The following PTPN9 variants were observed in gnomAD, a reference collection of about 807,000 sequenced individuals.
The protein encoded by PTPN9 is tyrosine-protein phosphatase non-receptor type 9.
A neutral mutation model predicts 69.8 loss-of-function variants in PTPN9; 26 were observed. That is an observed-to-expected ratio of 0.37 (90% CI 0.27 to 0.52). The LOEUF (loss-of-function observed/expected upper bound fraction) is 0.52, where lower values mean the gene tolerates loss of function less well. Ranked by LOEUF, PTPN9 falls within the 20% of genes least tolerant of loss-of-function variation. The pLI, the probability that PTPN9 is intolerant of heterozygous loss-of-function variation, is 0.91. For synonymous variants in PTPN9, 274 were observed against 272.5 expected, an observed-to-expected ratio of 1.01 and a Z score of -0.05; for missense variants, 549 against 740.3, an observed-to-expected ratio of 0.74 and a Z score of 3.00.
intron 1 of PTPN9, among the ~76,000 whole-genome samples, chr15:75,530,461 ATATAT>A (rs1253386060): frequency 2.0e-5 from 2 of 100,678 alleles, no homozygotes; most frequent in Admixed American, 1.7e-4. Flanking sequence ...ATAATAAAAT[ATATAT>A]TATAATAATA....
intron 7 of PTPN9, among the ~76,000 whole-genome samples, chr15:75,500,748 T>C (rs1261273239): frequency 6.6e-6 from 1 of 151,386 alleles, no homozygotes; most frequent in East Asian, 1.9e-4. Flanking sequence ...TAGCCAGGCA[T>C]GGTGGTGCAT....
intron 8 of PTPN9, 42 bp from the exon 9 acceptor site, chr15:75,479,956 C>T (rs772816618): frequency 1.2e-5 from 17 of 1,378,968 alleles, no homozygotes; most frequent in Admixed American, 4.0e-5. Context: ...ACACAGAATA[C>T]ACCATTTGGG....
At chr15:75,504,474 G>GT (rs2074802708) in intron 7 of PTPN9, among the ~76,000 whole-genome samples, 1 of 136,790 alleles carries the variant, frequency 7.3e-6, no homozygotes, top group Admixed American at 7.0e-5. Flanking sequence ...GGTCCGGGAG[G>GT]GAGGTGGAGG....
chr15:75,503,114 G>T (rs2074783185), intron 7 of PTPN9, among the ~76,000 whole-genome samples: 1 of 151,402 alleles, frequency 6.6e-6, no homozygotes, highest in African/African-American at 2.4e-5. Flanking sequence ...GGGACGTGAG[G>T]AGCCCCTCTG....
At chr15:75,540,556 AAAAAAAGAAAG>A (rs1209157765) in intron 1 of PTPN9, among the ~76,000 whole-genome samples, 226 of 94,476 alleles carry the variant, frequency 2.4e-3, no homozygotes, top group Non-Finnish European at 4.1e-3. Flanking sequence ...AAAAAAAAAA[AAAAAAAGAAAG>A]AAAGAAAGAA....
intron 1 of PTPN9, among the ~76,000 whole-genome samples, chr15:75,530,559 A>AT (rs1411968574): frequency 1.5e-4 from 10 of 65,218 alleles, no homozygotes; most frequent in African/African-American, 7.1e-4. Flanking sequence ...AATATATTAT[A>AT]TATTATTATA....
intron 8 of PTPN9, among the ~76,000 whole-genome samples, 194 bp from the exon 9 acceptor site, chr15:75,480,108 A>C (rs2074620034): frequency 6.6e-6 from 1 of 152,086 alleles, no homozygotes; most frequent in Non-Finnish European, 1.5e-5. Context: ...TACATGCATA[A>C]AAATCAAGCT....
chr15:75,493,557 T>G (rs1417920087), intron 7 of PTPN9, among the ~76,000 whole-genome samples: 2 of 151,952 alleles, frequency 1.3e-5, no homozygotes, highest in Non-Finnish European at 2.9e-5. Context: ...GGTCAGAAGT[T>G]TAAGACCAGC....
intron 1 of PTPN9, among the ~76,000 whole-genome samples, chr15:75,530,501 A>T (rs1432721053): frequency 1.1e-5 from 1 of 86,986 alleles, no homozygotes; most frequent in African/African-American, 4.8e-5. Flanking sequence ...AATATATTAT[A>T]TTATAATATA....
chr15:75,541,850 G>A (rs1310051587), intron 1 of PTPN9, among the ~76,000 whole-genome samples: 1 of 151,318 alleles, frequency 6.6e-6, no homozygotes, highest in African/African-American at 2.4e-5. Context: ...GACCATCCTG[G>A]AACATGGTGA....
chr15:75,569,122 G>A (rs1344059208), intron 1 of PTPN9, among the ~76,000 whole-genome samples: 1 of 152,092 alleles, frequency 6.6e-6, no homozygotes, highest in East Asian at 1.9e-4. Flanking sequence ...AAGAAAGTAC[G>A]AGAATTGTCT....
At chr15:75,484,202 G>A (rs1358310011) in intron 8 of PTPN9, among the ~76,000 whole-genome samples, 1 of 152,182 alleles carries the variant, frequency 6.6e-6, no homozygotes, top group Non-Finnish European at 1.5e-5. Flanking sequence ...GTCTGCCAGA[G>A]TGAACTATAT....
At chr15:75,569,330 C>A (rs2141344865) in intron 1 of PTPN9, among the ~76,000 whole-genome samples, 1 of 152,194 alleles carries the variant, frequency 6.6e-6, no homozygotes, top group African/African-American at 2.4e-5. Context: ...TATGTCTTTT[C>A]CAAGACAATA....
chr15:75,489,174 CAAAAAAAAA>C (rs35540489), intron 8 of PTPN9, among the ~76,000 whole-genome samples: 6 of 64,236 alleles, frequency 9.3e-5, no homozygotes, highest in Non-Finnish European at 1.9e-4. Flanking sequence ...GACTCCGTCT[CAAAAAAAAA>C]AAAAAAAAAA....
chr15:75,512,754 C>A, intron 5 of PTPN9: 1 of 257,246 alleles, frequency 3.9e-6, no homozygotes, highest in South Asian at 5.9e-5. Context: ...TTTTTAAAAT[C>A]CCCCAGAAAA....
intron 10 of PTPN9, among the ~76,000 whole-genome samples, chr15:75,472,953 GAA>G (rs879420853): frequency 7.6e-6 from 1 of 130,876 alleles, no homozygotes. Flanking sequence ...CATCTCAGAA[GAA>G]AAAAAAAAAA....
At chr15:75,577,900 C>T (rs998261501) in intron 1 of PTPN9, among the ~76,000 whole-genome samples, 1 of 152,180 alleles carries the variant, frequency 6.6e-6, no homozygotes, top group Non-Finnish European at 1.5e-5. Context: ...AGCAGACCTT[C>T]CCATCTTCCT....
chr15:75,479,986 G>T, intron 8 of PTPN9, 72 bp from the exon 9 acceptor site: 2 of 1,099,034 alleles, frequency 1.8e-6, no homozygotes, highest in Non-Finnish European at 2.6e-6. Flanking sequence ...GATGTACTCA[G>T]TAAGTAAAAC....
intron 1 of PTPN9, among the ~76,000 whole-genome samples, chr15:75,574,381 T>C (rs1436025502): frequency 6.6e-6 from 1 of 151,746 alleles, no homozygotes. Context: ...TGAAATCAGA[T>C]TTTCAACAGG....
Sources: allele counts gnomAD v4.1 joint callset (sites outside exome capture counted in the v4.1 genomes callset), GRCh38; gene constraint gnomAD v4.1.1; transcripts MANE v1.5; gene names NCBI Gene and HGNC (gene_info 2026-07-23, HGNC 2026-07-21).